The following CFAP299 variants were observed in gnomAD, a reference collection of about 807,000 sequenced individuals.
The protein encoded by CFAP299 is cilia and flagella associated protein 299, also known as cilia- and flagella-associated protein 299.
In CFAP299, 21 loss-of-function variants were observed where a neutral mutation model predicts 27.0. That is an observed-to-expected ratio of 0.78 (90% CI 0.55 to 1.12). The LOEUF (loss-of-function observed/expected upper bound fraction) is 1.12, where lower values mean the gene tolerates loss of function less well. CFAP299 is among the 50% of genes most tolerant of loss of function. The pLI is 0.00. For missense variants in CFAP299, 310 were observed against 276.6 expected, an observed-to-expected ratio of 1.12 and a Z score of -0.86; for synonymous variants, 104 against 98.1, an observed-to-expected ratio of 1.06 and a Z score of -0.36.
chr4:80,400,991 G>A (rs140227650), intron 2 of CFAP299, among the ~76,000 whole-genome samples: 33 of 152,280 alleles, frequency 2.2e-4, no homozygotes, highest in African/African-American at 7.9e-4. Context: ...GAGACTGGTG[G>A]CATTTTGCCC....
intron 3 of CFAP299, among the ~76,000 whole-genome samples, chr4:80,724,280 G>T (rs1019098098): frequency 6.6e-6 from 1 of 152,094 alleles, no homozygotes; most frequent in South Asian, 2.1e-4. Context: ...TAGCAGAACG[G>T]CATGTGTCAG....
chr4:80,753,740 T>C (rs1725069931), intron 3 of CFAP299, among the ~76,000 whole-genome samples: 1 of 151,948 alleles, frequency 6.6e-6, no homozygotes, highest in Admixed American at 6.6e-5. Context: ...TCAAGTTCAC[T>C]GATTCTTTTT....
chr4:80,447,532 A>G (rs934498582), intron 2 of CFAP299, among the ~76,000 whole-genome samples: 1 of 151,886 alleles, frequency 6.6e-6, no homozygotes, highest in Non-Finnish European at 1.5e-5. Flanking sequence ...TCCTGGATTC[A>G]AGCGGTTCTC....
chr4:80,386,314 C>G, intron 2 of CFAP299: 1 of 1,314,490 alleles, frequency 7.6e-7, no homozygotes, highest in Non-Finnish European at 1.1e-6. Context: ...GATTCTGTGC[C>G]CACCGCACCA....
chr4:80,833,554 T>C (rs552498422), intron 3 of CFAP299, among the ~76,000 whole-genome samples: 17 of 152,214 alleles, frequency 1.1e-4, no homozygotes, highest in Non-Finnish European at 2.2e-4. Context: ...TACTGCTTAG[T>C]AGCTCTAAAA....
At chr4:80,340,721 C>A (rs547029729) in intron 1 of CFAP299, among the ~76,000 whole-genome samples, 1 of 152,186 alleles carries the variant, frequency 6.6e-6, no homozygotes, top group Non-Finnish European at 1.5e-5. Context: ...GTCCCTCACC[C>A]CTCACAATGC....
At chr4:80,445,777 A>G (rs1200272506) in intron 2 of CFAP299, among the ~76,000 whole-genome samples, 4 of 152,244 alleles carry the variant, frequency 2.6e-5, no homozygotes, top group Admixed American at 2.6e-4. Flanking sequence ...GTGCTACTAA[A>G]AGTTTAAAAA....
chr4:80,723,891 T>C (rs34355696), intron 3 of CFAP299, among the ~76,000 whole-genome samples: 30,333 of 151,888 alleles, frequency 0.2, 4,697 homozygotes, highest in African/African-American at 0.43. Flanking sequence ...TCAAAATCAT[T>C]TTGTTATGAA....
At chr4:80,658,660 A>G (rs973018424) in intron 3 of CFAP299, among the ~76,000 whole-genome samples, 2 of 152,112 alleles carry the variant, frequency 1.3e-5, no homozygotes, top group Admixed American at 6.6e-5. Flanking sequence ...TCACTGTTTC[A>G]CTTGTGAACT....
intron 2 of CFAP299, among the ~76,000 whole-genome samples, chr4:80,546,944 G>A (rs1259170148): frequency 1.3e-5 from 2 of 152,018 alleles, no homozygotes; most frequent in Admixed American, 6.6e-5. Context: ...TGTTAAAATG[G>A]CCATATTGTC....
At chr4:80,760,468 T>G (rs1725486802) in intron 3 of CFAP299, among the ~76,000 whole-genome samples, 1 of 152,194 alleles carries the variant, frequency 6.6e-6, no homozygotes, top group African/African-American at 2.4e-5. Context: ...AATGGCCTTG[T>G]GCAAATTGTT....
intron 3 of CFAP299, among the ~76,000 whole-genome samples, chr4:80,598,530 T>C (rs1737171054): frequency 6.6e-6 from 1 of 152,240 alleles, no homozygotes; most frequent in Non-Finnish European, 1.5e-5. Context: ...TTCTTGAGCA[T>C]TTAATGGTGT....
intron 3 of CFAP299, among the ~76,000 whole-genome samples, chr4:80,857,912 C>G (rs1391622984): frequency 6.6e-6 from 1 of 152,102 alleles, no homozygotes; most frequent in Non-Finnish European, 1.5e-5. Flanking sequence ...CAGGATGATG[C>G]TGGCCTCATA....
chr4:80,333,672 T>A (rs149923157), upstream of CFAP299, among the ~76,000 whole-genome samples: 477 of 152,354 alleles, frequency 3.1e-3, 4 homozygotes, highest in African/African-American at 0.011. Context: ...TAACATATGT[T>A]TCCTCTTTCC....
intron 3 of CFAP299, among the ~76,000 whole-genome samples, chr4:80,654,840 T>G (rs1740477974): frequency 6.7e-6 from 1 of 148,594 alleles, no homozygotes; most frequent in African/African-American, 2.5e-5. Flanking sequence ...GCTCAGGCAC[T>G]AATAGCCTCA....
At chr4:80,702,827 A>G (rs147739632) in intron 3 of CFAP299, among the ~76,000 whole-genome samples, 203 of 151,938 alleles carry the variant, frequency 1.3e-3, no homozygotes, top group African/African-American at 4.7e-3. Flanking sequence ...AACAATTCCA[A>G]TCAAATCTGC....
At chr4:80,385,958 C>T (rs557373965) in intron 2 of CFAP299, among the ~76,000 whole-genome samples, 17 of 152,336 alleles carry the variant, frequency 1.1e-4, no homozygotes, top group East Asian at 3.9e-4. Flanking sequence ...AAACCGTGGG[C>T]GGCCCTGCCC....
rs951070493 is a variant in CFAP299 at position 80,558,370 on chromosome 4, T to G, written c.243-24723T>G. Among the ~76,000 whole-genome samples, 20 of 149,666 alleles carry G rather than the reference T, an allele frequency of 1.3e-4. 1 individual carries two copies. The highest frequency in any genetic ancestry group is 3.5e-4 in the African/African-American group (14 of 40,474). On this transcript the variant is annotated intron_variant, in intron 2 of 5. Coordinates refer to ENST00000358105, the MANE Select transcript of CFAP299 (RefSeq NM_152770.3). Reference sequence around the variant, plus strand: ...TGTTTGTTTGTTTGTTTGTTTGTTTTTTTTTTGGCCAGGAACCTTAAAGTT... The same window carrying G: ...TGTTTGTTTGTTTGTTTGTTTGTTTGTTTTTTGGCCAGGAACCTTAAAGTT...
the CFAP299 span, among the ~76,000 whole-genome samples, chr4:80,324,201 G>C: frequency 6.6e-6 from 1 of 151,924 alleles, no homozygotes; most frequent in Admixed American, 6.6e-5. Context: ...GTGAAGAAAC[G>C]ATATTCTTAA....
Sources: allele counts gnomAD v4.1 joint callset (sites outside exome capture counted in the v4.1 genomes callset), GRCh38; gene constraint gnomAD v4.1.1; transcripts MANE v1.5; gene names NCBI Gene and HGNC (gene_info 2026-07-23, HGNC 2026-07-21).